Variants in ZNF226 observed in about 807,000 individuals in gnomAD.
ZNF226 encodes Kruppel-associated box protein.
ZNF226 carries 6 observed loss-of-function variants against 11.4 expected under a neutral mutation model. The ratio of observed to expected loss-of-function variants is 0.53; its 90% CI spans 0.29 to 1.04. ZNF226 has a LOEUF of 1.04. Ranked by LOEUF, ZNF226 falls within the 50% of genes least tolerant of loss-of-function variation. The pLI is 0.08. For synonymous variants in ZNF226, 350 were observed against 322.8 expected (o/e 1.08, Z -0.90); for missense variants, 1,058 against 956.5 (o/e 1.11, Z -1.40).
chr19:44,187,303 C>T, the ZNF226 span, among the ~76,000 whole-genome samples: 1 of 151,902 alleles, frequency 6.6e-6, no homozygotes, highest in African/African-American at 2.4e-5. This position sits in a 1 kb window ranked among gnomAD's most constrained non-coding sequence, Gnocchi z 4.0. Context: ...ACTAGTTATA[C>T]ACCTGTTCAG....
the ZNF226 span, among the ~76,000 whole-genome samples, chr19:44,190,203 A>T: frequency 6.6e-6 from 1 of 152,120 alleles, no homozygotes; most frequent in Admixed American, 6.5e-5. Context: ...GTTTAGTTTT[A>T]TTATTATTTT....
chr19:44,197,141 AT>A, the ZNF226 span, among the ~76,000 whole-genome samples: 1 of 152,026 alleles, frequency 6.6e-6, no homozygotes, highest in Non-Finnish European at 1.5e-5. Flanking sequence ...TTGTTTACTT[AT>A]TTTGTTACTG....
the ZNF226 span, among the ~76,000 whole-genome samples, chr19:44,194,106 G>A: frequency 6.6e-6 from 1 of 152,204 alleles, no homozygotes; most frequent in Non-Finnish European, 1.5e-5. Flanking sequence ...CTATGACCAA[G>A]TTTTCCCTGG....
Position 44,170,021 on chromosome 19 carries a change from C to G in ZNF226, c.-46-14C>G. On this transcript the variant is annotated splice_polypyrimidine_tract_variant and intron_variant, in intron 2 of 5. Transcript: ENST00000337433. The stretch of plus-strand genomic sequence containing the variant: ...ACTTACCCAGTTTTGATTTATTTCT[C>G]TCTTCTTTCCTAGTTCAGCTTCTTA... 1.3e-6 allele frequency: 2 copies of G among 1,555,584 alleles called. No individual in the cohort carries two copies. The highest frequency in any genetic ancestry group is 1.7e-6 in the Non-Finnish European group (2 of 1,145,894).
At chr19:44,199,014 G>A in the ZNF226 span, among the ~76,000 whole-genome samples, 565 of 152,070 alleles carry the variant, frequency 3.7e-3, 1 homozygote, top group African/African-American at 0.013. Flanking sequence ...TGTTGGCCAG[G>A]TGGGTCTTGA....
chr19:44,170,218 C>G (rs1025315846), intron 3 of ZNF226, 123 bp downstream of exon 3: 1 of 857,628 alleles, frequency 1.2e-6, no homozygotes, highest in African/African-American at 1.7e-5. Context: ...GTGCTAGGTG[C>G]TTATTTTGTT....
chr19:44,192,042 A>G, the ZNF226 span, among the ~76,000 whole-genome samples: 1 of 152,348 alleles, frequency 6.6e-6, no homozygotes, highest in East Asian at 1.9e-4. Flanking sequence ...TGAGTGTACC[A>G]TATTATAGAA....
the ZNF226 span, among the ~76,000 whole-genome samples, chr19:44,190,156 A>G: frequency 6.6e-4 from 101 of 152,190 alleles, no homozygotes; most frequent in Admixed American, 6.6e-3. Context: ...ATTTCTACCA[A>G]AGATAATTAC....
At chr19:44,174,396 A>C (rs903163220) in intron 5 of ZNF226, 3 of 152,248 alleles carry the variant, frequency 2.0e-5, no homozygotes, top group Non-Finnish European at 4.4e-5. Context: ...CCATTATATC[A>C]GGAAAGAAAA....
In ZNF226 at chr19:44,176,226, C is replaced by T. The variant is rs1238051327; in HGVS notation, c.964C>T (p.Leu322=). The part of the protein sequence containing the change: ...CGKEFSQGAH[L]QTHQKVHVIE... ...TAAGGAATTCAGTCAGGGCGCTCAT[C>T]TACAGACCCATCAGAAAGTCCACGT... is the stretch of plus-strand genomic sequence containing the variant. Residue 322 remains leucine, a synonymous_variant, in exon 6 of 6, where the codon CTA becomes TTA. Transcript: ENST00000337433. 1.2e-6 allele frequency: 2 copies of T among 1,614,066 alleles called. No homozygotes were observed. The highest frequency in any genetic ancestry group is 8.5e-7 in the Non-Finnish European group (1 of 1,180,024).
At position 44,174,201 on chromosome 19, in the gene ZNF226, A is replaced by G. The variant is rs545033231; in HGVS notation, c.235+1249A>G. 12 of 152,160 alleles carry G rather than the reference A, an allele frequency of 7.9e-5. No individual in the cohort carries two copies. In the East Asian group the frequency reaches 2.1e-3, roughly 27 times the overall value. The allele number at this position is 152,160 out of a possible 1,614,324, so 9.4% of individuals were successfully genotyped here. A position where few individuals can be genotyped will look rare whatever the true frequency, so the allele number is the denominator to read the frequency against. On this transcript the variant is annotated intron_variant, in intron 5 of 5. Coordinates refer to ENST00000337433, the MANE Select transcript of ZNF226 (RefSeq NM_001032373.2). Reference sequence around the variant, plus strand: ...TTTGCCTGTCTGTACAAGTTGACCCATATCTTGGGGAACCTATAGTGTCAT... The same window carrying G: ...TTTGCCTGTCTGTACAAGTTGACCCGTATCTTGGGGAACCTATAGTGTCAT...
chr19:44,186,928 A>C, the ZNF226 span, among the ~76,000 whole-genome samples: 1 of 149,672 alleles, frequency 6.7e-6, no homozygotes, highest in Non-Finnish European at 1.5e-5. Flanking sequence ...GGTGTATTAC[A>C]TTGATTGATT....
At chr19:44,177,895 TATC>T (rs989188880), downstream of ZNF226, 11 of 471,354 alleles carry the variant, frequency 2.3e-5, no homozygotes, top group African/African-American at 1.7e-4. Flanking sequence ...TTTATAAAAG[TATC>T]ATGGTGGACA....
chr19:44,187,344 T>G, the ZNF226 span, among the ~76,000 whole-genome samples: 3 of 151,932 alleles, frequency 2.0e-5, no homozygotes, highest in Non-Finnish European at 4.4e-5. This position sits in a 1 kb window ranked among gnomAD's most constrained non-coding sequence, Gnocchi z 4.0. Context: ...CATGATTAAG[T>G]CTTGATAGGT....
chr19:44,176,264 A>C lies in ZNF226; in HGVS notation c.1002A>C (p.Pro334=), dbSNP rs776454585. 3 of 1,614,190 alleles carry C rather than the reference A, an allele frequency of 1.9e-6. No individual in the cohort carries two copies. Among genetic ancestry groups the C allele is most frequent in the Non-Finnish European group, 2.5e-6 (3 of 1,180,022 alleles). ...THQKVHVIEK[P]YKCKQCGKGF... is the part of the protein sequence containing the mutation. ...AGAAAGTCCACGTGATAGAGAAACC[A>C]TACAAATGTAAGCAATGTGGGAAAG... Residue 334 remains proline (P), a synonymous_variant, in exon 6 of 6, where the codon CCA becomes CCC. Transcript: ENST00000337433.
intron 5 of ZNF226, chr19:44,175,108 A>T: frequency 6.3e-7 from 1 of 1,590,124 alleles, no homozygotes; most frequent in Non-Finnish European, 8.5e-7. Flanking sequence ...TCATATATGC[A>T]TACATTCCTT....
chr19:44,173,771 A>T (rs1316329724), intron 5 of ZNF226: 1 of 152,202 alleles, frequency 6.6e-6, no homozygotes, highest in Non-Finnish European at 1.5e-5. Flanking sequence ...AAAAAAAAAG[A>T]AAGGCCTCCT....
chr19:44,170,773 T>A (rs957795001), intron 3 of ZNF226, among the ~76,000 whole-genome samples: 12 of 151,836 alleles, frequency 7.9e-5, no homozygotes, highest in African/African-American at 2.9e-4. Flanking sequence ...ATTAGCCAGG[T>A]ATGGCGGTGC....
intron 2 of ZNF226, among the ~76,000 whole-genome samples, chr19:44,169,089 ACCTCCGCCTCCT>A (rs2122296427): frequency 7.0e-6 from 1 of 141,964 alleles, no homozygotes; most frequent in Admixed American, 7.4e-5. Flanking sequence ...GCTGACTGCA[ACCTCCGCCTCCT>A]GGGTTCAAAC....
Sources: allele counts gnomAD v4.1 joint callset (sites outside exome capture counted in the v4.1 genomes callset), GRCh38; gene constraint gnomAD v4.1.1; non-coding constraint Gnocchi (gnomAD v3.1); transcripts MANE v1.5; gene names NCBI Gene and HGNC (gene_info 2026-07-23, HGNC 2026-07-21).